The following CPNE5 variants were observed in gnomAD, a reference collection of about 807,000 sequenced individuals.
CPNE5 encodes copine 5.
Under a neutral mutation model 81.1 loss-of-function variants are expected in CPNE5, and 42 were observed. That is an observed-to-expected ratio of 0.52 (90% CI 0.40 to 0.67). The LOEUF (loss-of-function observed/expected upper bound fraction) is 0.67, where lower values mean the gene tolerates loss of function less well. Among genes scored for constraint, CPNE5 ranks in the 30% least tolerant of loss-of-function variants. The pLI, the probability that CPNE5 is intolerant of heterozygous loss-of-function variation, is 0.00. For synonymous variants in CPNE5, 313 were observed against 321.5 expected (o/e 0.97, Z 0.28); for missense variants, 612 against 815.5 (o/e 0.75, Z 3.04).
At chr6:36,780,270 C>T (rs1767927391) in intron 8 of CPNE5, among the ~76,000 whole-genome samples, 1 of 152,164 alleles carries the variant, frequency 6.6e-6, no homozygotes, top group South Asian at 2.1e-4. Flanking sequence ...GCCCCCCCTT[C>T]CTCTTAATGA....
Position 36,746,498 on chromosome 6 carries a change from G to C in CPNE5, c.1098C>G (p.Val366=), listed in dbSNP as rs61740903. The C allele has an allele frequency of 1.2e-6, 2 of 1,613,812 alleles. No individual in the cohort carries two copies. Among genetic ancestry groups the C allele is most frequent in the Non-Finnish European group, 1.7e-6 (2 of 1,179,792 alleles). ...TGTCGTAGTGCTGGATGATCTCTCC[G>C]ACGGCAGTCAGCGCCAGCGCGTAGG... ...LNAYALALTA[V]GEIIQHYDSD... Residue 366 remains valine (V), a synonymous_variant, in exon 16 of 21, where the codon GTC becomes GTG. Coordinates refer to ENST00000244751, the MANE Select transcript of CPNE5 (RefSeq NM_020939.2). The surrounding 1 kb of genome is among the most constrained non-coding windows in gnomAD (Gnocchi z 4.5).
At position 36,746,944 on chromosome 6, in the gene CPNE5, T is replaced by C. The variant is rs138552597; in HGVS notation, c.1019-367A>G. On this transcript the variant is annotated intron_variant, in intron 15 of 20. Transcript: ENST00000244751. The surrounding 1 kb of genome is among the most constrained non-coding windows in gnomAD (Gnocchi z 4.5). ...CTCAATGCCTCCACCTCCCCCAAAA[T>C]GAAACCCAAAGTCCTCACAAGAGCC... is the stretch of plus-strand genomic sequence containing the variant. Among the ~76,000 whole-genome samples, 4 of 123,330 alleles carry C rather than the reference T, an allele frequency of 3.2e-5. No individual in the cohort carries two copies. The highest frequency in any genetic ancestry group is 1.3e-4 in the African/African-American group (4 of 31,216). 80.9% of individuals were successfully genotyped at this position (123,330 alleles called of 152,430 possible).
At chr6:36,768,861 T>C (rs1203196691) in intron 10 of CPNE5, among the ~76,000 whole-genome samples, 15 of 152,216 alleles carry the variant, frequency 9.9e-5, no homozygotes, top group Non-Finnish European at 1.5e-5. Context: ...TCTCAGCTCT[T>C]CCAAGTACTA....
intron 3 of CPNE5, among the ~76,000 whole-genome samples, chr6:36,812,690 T>A (rs745329692): frequency 3.3e-5 from 5 of 152,200 alleles, no homozygotes; most frequent in Non-Finnish European, 7.3e-5. Flanking sequence ...AAGTAAAGCT[T>A]TGGTCCTGGA....
intron 6 of CPNE5, among the ~76,000 whole-genome samples, 157 bp downstream of exon 6, chr6:36,798,008 C>T (rs1328257488): frequency 2.6e-5 from 4 of 152,148 alleles, no homozygotes; most frequent in Non-Finnish European, 2.9e-5. Context: ...GGATTAGAAG[C>T]CCTGTGAGAG....
chr6:36,810,138 C>T (rs935110726), intron 3 of CPNE5, among the ~76,000 whole-genome samples: 3 of 151,962 alleles, frequency 2.0e-5, no homozygotes, highest in African/African-American at 4.8e-5. Context: ...CTCAGGCATG[C>T]GTGGGTGGCT....
rs544536143 is a variant in CPNE5, at chr6:36,796,301, A to G, written c.405-1652T>C. On this transcript the variant is annotated intron_variant, in intron 6 of 20. Transcript: ENST00000244751. The stretch of plus-strand genomic sequence containing the variant: ...CCTTTAAGGCTCAGTTTCAAAAGCC[A>G]TCTCCATAGGAAGTCTCCCTCAATA... Among the ~76,000 whole-genome samples, 7 of 152,350 alleles carry G rather than the reference A, an allele frequency of 4.6e-5. No individual in the cohort carries two copies. The South Asian group carries it at 1.2e-3, about 27-fold the overall frequency.
In CPNE5 at chr6:36,766,555, G is replaced by A. The variant is rs1175636516; in HGVS notation, c.738-1179C>T. On this transcript the variant is annotated intron_variant, in intron 10 of 20. Coordinates refer to ENST00000244751, the MANE Select transcript of CPNE5 (RefSeq NM_020939.2). This position sits in a 1 kb window ranked among gnomAD's most constrained non-coding sequence, Gnocchi z 4.2. ...AAACAAAAAACCATGTCTCTCTGAG[G>A]TGAATTATTGTGGAAAGGAAAAAAA... Among the ~76,000 whole-genome samples the A allele has an allele frequency of 6.6e-6, 1 of 152,134 alleles. No individual in the cohort carries two copies. The highest frequency in any genetic ancestry group is 1.9e-4 in the East Asian group (1 of 5,200).
At chr6:36,788,231 G>C (rs924399051) in intron 8 of CPNE5, among the ~76,000 whole-genome samples, 7 of 151,762 alleles carry the variant, frequency 4.6e-5, no homozygotes, top group African/African-American at 1.2e-4. Context: ...ATGGTCGGGG[G>C]GGGGTCTCAC....
chr6:36,803,371 AG>A (rs572255084), intron 3 of CPNE5, among the ~76,000 whole-genome samples: 296 of 152,184 alleles, frequency 1.9e-3, no homozygotes, highest in Middle Eastern at 6.8e-3. Flanking sequence ...TGCATCTCTA[AG>A]GCTGCACTTA....
intron 3 of CPNE5, among the ~76,000 whole-genome samples, chr6:36,802,825 G>A (rs1003950881): frequency 1.3e-5 from 2 of 152,052 alleles, no homozygotes. Context: ...TGAGGCGGGC[G>A]GATCACTTGA....
intron 8 of CPNE5, among the ~76,000 whole-genome samples, chr6:36,779,454 A>C (rs928832352): frequency 1.3e-5 from 2 of 152,058 alleles, no homozygotes; most frequent in East Asian, 1.9e-4. Flanking sequence ...GCAAGCCCCA[A>C]AGCCCTCTCT....
At chr6:36,788,827 CA>C (rs1452558321) in intron 8 of CPNE5, among the ~76,000 whole-genome samples, 1 of 152,176 alleles carries the variant, frequency 6.6e-6, no homozygotes, top group Non-Finnish European at 1.5e-5. Flanking sequence ...TCCAGATGAA[CA>C]AGGCTTTTCT....
intron 5 of CPNE5, 46 bp from the exon 6 acceptor site, chr6:36,798,287 C>T: frequency 6.3e-7 from 1 of 1,578,724 alleles, no homozygotes; most frequent in Non-Finnish European, 8.7e-7. Context: ...CCACTCTGCT[C>T]ACAGCTATCC....
In CPNE5 at chr6:36,825,624, G is replaced by T. The variant is rs555640743; in HGVS notation, c.96-2526C>A. ...GAGCATCAGATGAACGATAAACAAG[G>T]CATCTCTGAGAAGTAGGCAGCAGGG... On this transcript the variant is annotated intron_variant, in intron 1 of 20. Transcript: ENST00000244751. 7.2e-5 allele frequency among the ~76,000 whole-genome samples: 11 copies of T among 152,282 alleles called. No homozygotes were observed. The South Asian group carries it at 2.1e-3, about 29-fold the overall frequency.
rs1773809257 is a variant in CPNE5 at position 36,839,159 on chromosome 6, G to A, written c.95+124C>T. ...GGGCTCTTGGCAGATCGGCAGGGGC[G>A]CAGTCCTGGAGACCAGGACACTCTG... On this transcript the variant is annotated intron_variant, in intron 1 of 20. Transcript: ENST00000244751. The surrounding 1 kb of genome is among the most constrained non-coding windows in gnomAD (Gnocchi z 7.3). 5 of 645,580 alleles carry A rather than the reference G, an allele frequency of 7.7e-6. No homozygotes were observed. The highest frequency in any genetic ancestry group is 5.0e-6 in the Non-Finnish European group (2 of 399,436). 40.0% of individuals were successfully genotyped at this position (645,580 alleles called of 1,614,324 possible).
intron 1 of CPNE5, chr6:36,827,474 T>C (rs1772601544): frequency 1.0e-6 from 1 of 985,044 alleles, no homozygotes; most frequent in African/African-American, 1.7e-5. Context: ...CCAGAGGCCA[T>C]GTTTATCCAA....
intron 18 of CPNE5, 95 bp downstream of exon 18, chr6:36,744,953 C>A: frequency 1.2e-6 from 1 of 849,498 alleles, no homozygotes; most frequent in Non-Finnish European, 2.0e-6. Flanking sequence ...AAGCATTTCC[C>A]TAAGGTCAAG....
chr6:36,778,647 G>C (rs1397236944), intron 9 of CPNE5, among the ~76,000 whole-genome samples: 7 of 152,100 alleles, frequency 4.6e-5, no homozygotes, highest in African/African-American at 1.4e-4. Flanking sequence ...CACCAGCTTA[G>C]AGGCTGCTGC....
Sources: allele counts gnomAD v4.1 joint callset (sites outside exome capture counted in the v4.1 genomes callset), GRCh38; gene constraint gnomAD v4.1.1; non-coding constraint Gnocchi (gnomAD v3.1); transcripts MANE v1.5; gene names NCBI Gene and HGNC (gene_info 2026-07-23, HGNC 2026-07-21).